XAB2: variants seen among roughly 807,000 people sequenced by gnomAD.
The protein encoded by XAB2 is XPA binding protein 2.
A neutral mutation model predicts 113.4 loss-of-function variants in XAB2; 57 were observed. That is an observed-to-expected ratio of 0.50 (90% CI 0.41 to 0.63). The LOEUF is 0.63. XAB2 is among the 20% of genes least tolerant of loss of function. The pLI is 0.00. For missense variants in XAB2, 1,037 were observed against 1,233.3 expected (o/e 0.84, Z 2.38); for synonymous variants, 497 against 498.8 (o/e 1.00, Z 0.05).
Position 7,620,649 on chromosome 19 carries a change from C to T in XAB2, c.1992G>A (p.Ala664=), listed in dbSNP as rs377734373. 1.2e-5 allele frequency: 19 copies of T among 1,612,946 alleles called. No individual in the cohort carries two copies. Among genetic ancestry groups the T allele is most frequent in the Non-Finnish European group, 1.4e-5 (17 of 1,179,920 alleles). ...CTGCAAACCGCAGGCACATCTCACG[C>T]GCGTGCTCGTCCGACAGCACCTGGA... is the stretch of plus-strand genomic sequence containing the variant. ...KAIEVLSDEH[A]REMCLRFADM... Residue 664 remains alanine (A), a synonymous_variant, in exon 15 of 19, where the codon GCG becomes GCA. Transcript: ENST00000358368.
At chr19:7,629,452 AC>A (rs1403112907) in intron 1 of XAB2, 24 bp downstream of exon 1, 7 of 1,581,866 alleles carry the variant, frequency 4.4e-6, no homozygotes, top group Non-Finnish European at 6.0e-6. Flanking sequence ...AACGCAGGCC[AC>A]CCCCGGCTCC....
chr19:7,622,753 T>C lies in XAB2; in HGVS notation c.1371+9A>G, dbSNP rs758058548. ...CAGCCCCCACCCCACAGCCTGGGCC[T>C]GTTCTCACTCGCAGCAGCCGCAAGG... On this transcript the variant is annotated intron_variant, in intron 10 of 18. Coordinates refer to ENST00000358368, the MANE Select transcript of XAB2 (RefSeq NM_020196.3). 5 of 1,613,832 alleles carry C rather than the reference T, an allele frequency of 3.1e-6. No individual in the cohort carries two copies. Among genetic ancestry groups the C allele is most frequent in the South Asian group, 1.1e-5 (1 of 91,088 alleles).
chr19:7,624,557 C>A lies in XAB2; in HGVS notation c.823-112G>T. 2.0e-6 allele frequency: 3 copies of A among 1,495,434 alleles called. No individual in the cohort carries two copies. The highest frequency in any genetic ancestry group is 9.1e-7 in the Non-Finnish European group (1 of 1,102,454). The allele number at this position is 1,495,434 out of a possible 1,614,324, so 92.6% of individuals were successfully genotyped here. On this transcript the variant is annotated intron_variant, in intron 6 of 18. Transcript: ENST00000358368. The surrounding 1 kb of genome is among the most constrained non-coding windows in gnomAD (Gnocchi z 4.2). Reference sequence around the variant, plus strand: ...CCCCTGGGGGCCTTCTGGGTAGTGACGCATCCAGCACCTCTGGGTAGTGAC... The same window carrying A: ...CCCCTGGGGGCCTTCTGGGTAGTGAAGCATCCAGCACCTCTGGGTAGTGAC...
In XAB2 at chr19:7,628,708, T is replaced by G. The variant is rs2031194568; in HGVS notation, c.52-410A>C. Among the ~76,000 whole-genome samples the G allele has an allele frequency of 6.6e-6, 1 of 151,990 alleles. No individual in the cohort carries two copies. Among genetic ancestry groups the G allele is most frequent in the African/African-American group, 2.4e-5 (1 of 41,364 alleles). ...TCCCAGACACCAGGCCTTTGGCCCCTCAGACTCCCACTGTCACCATCTGAC... is the reference window on the plus strand; with the variant it reads ...TCCCAGACACCAGGCCTTTGGCCCCGCAGACTCCCACTGTCACCATCTGAC... On this transcript the variant is annotated intron_variant, in intron 1 of 18. Coordinates refer to ENST00000358368, the MANE Select transcript of XAB2 (RefSeq NM_020196.3). The surrounding 1 kb of genome is among the most constrained non-coding windows in gnomAD (Gnocchi z 4.6).
chr19:7,623,861 C>A lies in XAB2; in HGVS notation c.989G>T (p.Arg330Leu). ...EEEDDVDLEL[R>L]LARFEQLISR... is the part of the protein sequence containing the mutation. ...GATGAGCTGCTCGAAGCGGGCCAGG[C>A]GCAGCTCCAGGTCCACATCATCTGG... Residue 330 changes from arginine (R) to leucine (L), a missense_variant, in exon 8 of 19, where the codon CGC (arginine) becomes CTC (leucine). Physicochemically the swap from Arg to Leu is moderately radical, Grantham distance 102. Transcript: ENST00000358368. The surrounding 1 kb of genome is among the most constrained non-coding windows in gnomAD (Gnocchi z 4.6). 2 of 1,596,574 alleles carry A rather than the reference C, an allele frequency of 1.3e-6. No individual in the cohort carries two copies. The highest frequency in any genetic ancestry group is 8.5e-7 in the Non-Finnish European group (1 of 1,173,990).
chr19:7,622,513 A>G lies in XAB2; in HGVS notation c.1503+17T>C. 1.2e-6 allele frequency: 2 copies of G among 1,613,916 alleles called. No individual in the cohort carries two copies. Among genetic ancestry groups the G allele is most frequent in the East Asian group, 4.5e-5 (2 of 44,886 alleles). ...TGAGTCCGGGGCCCCGTCCCTCCCC[A>G]GCCACAGGCAGCTCACCTGGAAGGT... On this transcript the variant is annotated intron_variant, in intron 11 of 18. Transcript: ENST00000358368.
At chr19:7,620,805 C>T in intron 14 of XAB2, 41 bp downstream of exon 14, 1 of 1,564,868 alleles carries the variant, frequency 6.4e-7, no homozygotes, top group Non-Finnish European at 8.7e-7. Flanking sequence ...TCCGTCTGCT[C>T]AGGGACCTCT....
chr19:7,627,171 C>T lies in XAB2; in HGVS notation c.522+72G>A, dbSNP rs1169481190. 9 of 1,538,672 alleles carry T rather than the reference C, an allele frequency of 5.8e-6. No homozygotes were observed. In the East Asian group the frequency reaches 1.8e-4, roughly 31 times the overall value. ...ATCCCGTCTGCTGGGTGACATCCTA[C>T]GCGGAGCTAGTGTCACAGTGAGGCC... On this transcript the variant is annotated intron_variant, in intron 4 of 18. Transcript: ENST00000358368. This position sits in a 1 kb window ranked among gnomAD's most constrained non-coding sequence, Gnocchi z 4.5.
At position 7,628,712 on chromosome 19, in the gene XAB2, A is replaced by ACC. The variant is rs2031194812; in HGVS notation, c.52-415_52-414insGG. Among the ~76,000 whole-genome samples, 1 of 151,170 alleles carries ACC rather than the reference A, an allele frequency of 6.6e-6. No homozygotes were observed. Among genetic ancestry groups the ACC allele is most frequent in the African/African-American group, 2.4e-5 (1 of 41,010 alleles). On this transcript the variant is annotated intron_variant, in intron 1 of 18. Coordinates refer to ENST00000358368, the MANE Select transcript of XAB2 (RefSeq NM_020196.3). The surrounding 1 kb of genome is among the most constrained non-coding windows in gnomAD (Gnocchi z 4.6). ...AGACACCAGGCCTTTGGCCCCTCAG[A>ACC]CTCCCACTGTCACCATCTGACCCAT...
At chr19:7,620,817 G>A (rs770733097) in intron 14 of XAB2, 29 bp downstream of exon 14, 3 of 1,564,660 alleles carry the variant, frequency 1.9e-6, no homozygotes, top group Admixed American at 1.8e-5. Flanking sequence ...GGGACCTCTG[G>A]CCCCGGCCCA....
rs397724907 is a variant in XAB2 at position 7,625,473 on chromosome 19, C to CTTTT, written c.822+403_822+406dup. ...ATATGCATGTCTGTCAAAAATGGCA[C>CTTTT]TTTTTTTTTTTTTTTTTTTTTTTGA... On this transcript the variant is annotated intron_variant, in intron 6 of 18. Transcript: ENST00000358368. This position sits in a 1 kb window ranked among gnomAD's most constrained non-coding sequence, Gnocchi z 5.2. Among the ~76,000 whole-genome samples, 7 of 105,324 alleles carry CTTTT rather than the reference C, an allele frequency of 6.6e-5. No homozygotes were observed. The highest frequency in any genetic ancestry group is 2.6e-4 in the East Asian group (1 of 3,820). 69.1% of individuals were successfully genotyped at this position (105,324 alleles called of 152,430 possible). A position where few individuals can be genotyped will look rare whatever the true frequency, so the allele number is the denominator to read the frequency against.
In XAB2 at chr19:7,627,660, T is replaced by TACCC; in HGVS notation, c.324+67_324+68insGGGT. 94 of 1,572,146 alleles carry TACCC rather than the reference T, an allele frequency of 6.0e-5. No individual in the cohort carries two copies. Among genetic ancestry groups the TACCC allele is most frequent in the Non-Finnish European group, 7.7e-5 (88 of 1,147,870 alleles). ...CCTAACATGCTGAGCCCAGCCCCTG[T>TACCC]CCCCGCCCCACCCACCACCATGGAC... is the stretch of plus-strand genomic sequence containing the variant. On this transcript the variant is annotated intron_variant, in intron 3 of 18. Coordinates refer to ENST00000358368, the MANE Select transcript of XAB2 (RefSeq NM_020196.3). The surrounding 1 kb of genome is among the most constrained non-coding windows in gnomAD (Gnocchi z 4.5).
chr19:7,625,849 C>A lies in XAB2; in HGVS notation c.822+31G>T, dbSNP rs377354593. 1 of 1,573,206 alleles carries A rather than the reference C, an allele frequency of 6.4e-7. No homozygotes were observed. Among genetic ancestry groups the A allele is most frequent in the Admixed American group, 1.8e-5 (1 of 56,708 alleles). On this transcript the variant is annotated intron_variant, in intron 6 of 18. Coordinates refer to ENST00000358368, the MANE Select transcript of XAB2 (RefSeq NM_020196.3). The surrounding 1 kb of genome is among the most constrained non-coding windows in gnomAD (Gnocchi z 5.2). ...CGAGTGTCGGAGGGAGACCCCGCCC[C>A]GAACCCAGAGCCCCGTGTGCCAGCA... is the stretch of plus-strand genomic sequence containing the variant.
Position 7,627,300 on chromosome 19 carries a change from G to A in XAB2, c.465C>T (p.Phe155=), listed in dbSNP as rs2031159871. ...TCTCAGGCAGTGGGTGTGAGCGCAG[G>A]AAGCGCAGATACAGGGGCCAAATTC... The part of the protein sequence containing the change: ...HSRIWPLYLR[F]LRSHPLPETA... The change falls in exon 4 of 19, where the codon TTC becomes TTT. Residue 155 remains phenylalanine (F), a synonymous_variant. Coordinates refer to ENST00000358368, the MANE Select transcript of XAB2 (RefSeq NM_020196.3). This position sits in a 1 kb window ranked among gnomAD's most constrained non-coding sequence, Gnocchi z 4.5. 1.2e-6 allele frequency: 2 copies of A among 1,613,796 alleles called. No individual in the cohort carries two copies. Among genetic ancestry groups the A allele is most frequent in the East Asian group, 4.5e-5 (2 of 44,888 alleles).
rs145651104 is a variant in XAB2 at position 7,623,738 on chromosome 19, G to C, written c.1112C>G (p.Pro371Arg). ...HKRVALHQGR[P>R]REIINTYTEA... The stretch of plus-strand genomic sequence containing the variant: ...GGGGCAGGCTTCATGTACCTCCCGG[G>C]GGCGGCCCTGGTGCAGGGCGACACG... Residue 371 changes from proline (P) to arginine (R), a missense_variant, in exon 8 of 19, where the codon CCC (proline) becomes CGC (arginine). Coordinates refer to ENST00000358368, the MANE Select transcript of XAB2 (RefSeq NM_020196.3). This position sits in a 1 kb window ranked among gnomAD's most constrained non-coding sequence, Gnocchi z 4.6. 1.2e-6 allele frequency: 2 copies of C among 1,601,786 alleles called. No homozygotes were observed. Among genetic ancestry groups the C allele is most frequent in the Non-Finnish European group, 1.7e-6 (2 of 1,175,376 alleles).
chr19:7,627,623 C>G lies in XAB2; in HGVS notation c.324+105G>C. 1 of 1,557,242 alleles carries G rather than the reference C, an allele frequency of 6.4e-7. No individual in the cohort carries two copies. Among genetic ancestry groups the G allele is most frequent in the Admixed American group, 1.8e-5 (1 of 56,448 alleles). On this transcript the variant is annotated intron_variant, in intron 3 of 18. Transcript: ENST00000358368. The surrounding 1 kb of genome is among the most constrained non-coding windows in gnomAD (Gnocchi z 4.5). Reference sequence around the variant, plus strand: ...CCCATGCAAAGAAGCAACAGGAATCCAAGCCCCCATCCCTAACATGCTGAG... The same window carrying G: ...CCCATGCAAAGAAGCAACAGGAATCGAAGCCCCCATCCCTAACATGCTGAG...
rs919252412 is a variant in XAB2 at position 7,625,485 on chromosome 19, T to G, written c.822+395A>C. On this transcript the variant is annotated intron_variant, in intron 6 of 18. Transcript: ENST00000358368. This position sits in a 1 kb window ranked among gnomAD's most constrained non-coding sequence, Gnocchi z 5.2. Reference sequence around the variant, plus strand: ...GTCAAAAATGGCACTTTTTTTTTTTTTTTTTTTTTTTGAGATGGAGTCTCG... The same window carrying G: ...GTCAAAAATGGCACTTTTTTTTTTTGTTTTTTTTTTTGAGATGGAGTCTCG... Among the ~76,000 whole-genome samples the G allele has an allele frequency of 8.4e-5, 12 of 143,048 alleles. No homozygotes were observed. Among genetic ancestry groups the G allele is most frequent in the African/African-American group, 2.4e-4 (9 of 37,750 alleles). 93.8% of individuals were successfully genotyped at this position (143,048 alleles called of 152,430 possible).
rs1361031095 is a variant in XAB2 at position 7,623,773 on chromosome 19, C to T, written c.1077G>A (p.Glu359=). Residue 359 remains glutamate (E), a synonymous_variant, in exon 8 of 19, where the codon GAG becomes GAA. Coordinates refer to ENST00000358368, the MANE Select transcript of XAB2 (RefSeq NM_020196.3). The surrounding 1 kb of genome is among the most constrained non-coding windows in gnomAD (Gnocchi z 4.6). ...GGTGCAGGGCGACACGCTTGTGCCA[C>T]TCGTGCACGTGGTGTGGGTTTTGGC... ...LLRQNPHHVH[E]WHKRVALHQG... 9 of 1,611,734 alleles carry T rather than the reference C, an allele frequency of 5.6e-6. 1 individual carries two copies. Among genetic ancestry groups the T allele is most frequent in the Admixed American group, 1.7e-5 (1 of 59,928 alleles).
At chr19:7,622,708 G>A (rs1439344163) in intron 10 of XAB2, 47 bp from the exon 11 acceptor site, 4 of 1,612,522 alleles carry the variant, frequency 2.5e-6, no homozygotes, top group Middle Eastern at 1.6e-4. Context: ...GGCTGTCCCT[G>A]GCCCTTGCCC....
Sources: allele counts gnomAD v4.1 joint callset (sites outside exome capture counted in the v4.1 genomes callset), GRCh38; gene constraint gnomAD v4.1.1; non-coding constraint Gnocchi (gnomAD v3.1); transcripts MANE v1.5; gene names NCBI Gene and HGNC (gene_info 2026-07-23, HGNC 2026-07-21).